Variants in DNAJB4 observed in about 807,000 individuals in gnomAD.
DNAJB4 encodes the protein dnaJ homolog subfamily B member 4.
A neutral mutation model predicts 26.6 loss-of-function variants in DNAJB4; 10 were observed. The ratio of observed to expected loss-of-function variants is 0.38; its 90% CI spans 0.23 to 0.64. The LOEUF is 0.64. Ranked by LOEUF, DNAJB4 falls within the 30% of genes least tolerant of loss-of-function variation. DNAJB4 has a pLI of 0.58. For missense variants in DNAJB4, 328 were observed against 408.2 expected (o/e 0.80, Z 1.69); for synonymous variants, 136 against 134.8 (o/e 1.01, Z -0.06).
chr1:78,009,758 T>G (rs2102610182), intron 1 of DNAJB4, among the ~76,000 whole-genome samples: 1 of 152,330 alleles, frequency 6.6e-6, no homozygotes, highest in South Asian at 2.1e-4. Context: ...CCTGAGTAGC[T>G]GGGATTACAG....
intron 1 of DNAJB4, 60 bp downstream of exon 1, chr1:78,005,381 T>TC: frequency 7.2e-7 from 1 of 1,396,170 alleles, no homozygotes; most frequent in Non-Finnish European, 9.6e-7. Context: ...TTTTTTTCTC[T>TC]CTCTCTGCCA....
At position 78,005,192 on chromosome 1, in the gene DNAJB4, GC is replaced by G. The variant is rs771664003; in HGVS notation, c.85del (p.Leu29SerfsTer27). 1.1e-5 allele frequency: 18 copies of G among 1,614,086 alleles called. No homozygotes were observed. The highest frequency in any genetic ancestry group is 1.5e-5 in the Non-Finnish European group (18 of 1,179,984). On this transcript the variant is annotated frameshift_variant, in exon 1 of 3. Transcript: ENST00000370763. LOFTEE classifies it high-confidence loss of function. ...TATTAAAAAGGCTTACCGAAAACAA[GC>G]CCTCAAATTTCATCCGGACAAGAAC... ...EDIKKAYRKQ[A>X]LKFHPDKNKS...
At chr1:77,993,115 GCT>G (rs1659976091) in intron 1 of DNAJB4, among the ~76,000 whole-genome samples, 2 of 152,084 alleles carry the variant, frequency 1.3e-5, no homozygotes, top group Admixed American at 6.5e-5. Context: ...TTTAGACTTT[GCT>G]CTCCCTCCAG....
intron 1 of DNAJB4, among the ~76,000 whole-genome samples, chr1:78,006,831 G>A (rs1660340585): frequency 6.6e-6 from 1 of 152,184 alleles, no homozygotes; most frequent in Non-Finnish European, 1.5e-5. Flanking sequence ...TTCTAAAGGA[G>A]TAATTTTGTA....
intron 1 of DNAJB4, among the ~76,000 whole-genome samples, chr1:77,985,229 A>G (rs1452890310): frequency 1.3e-5 from 2 of 152,200 alleles, no homozygotes; most frequent in African/African-American, 2.4e-5. Context: ...TGGGTACAAG[A>G]TAGAAAACTC....
At chr1:77,989,281 C>A (rs761195983) in intron 1 of DNAJB4, among the ~76,000 whole-genome samples, 20 of 152,192 alleles carry the variant, frequency 1.3e-4, no homozygotes, top group Non-Finnish European at 2.4e-4. Flanking sequence ...TTTGAGATGT[C>A]ATTTAAGCAA....
At chr1:78,008,368 C>A (rs1295444323) in intron 1 of DNAJB4, among the ~76,000 whole-genome samples, 1 of 152,116 alleles carries the variant, frequency 6.6e-6, no homozygotes, top group East Asian at 1.9e-4. Flanking sequence ...GTGAATTAAA[C>A]AAAATGTGCT....
intron 1 of DNAJB4, among the ~76,000 whole-genome samples, chr1:77,988,175 C>T (rs1445460956): frequency 6.6e-6 from 1 of 151,754 alleles, no homozygotes; most frequent in Non-Finnish European, 1.5e-5. Flanking sequence ...GCATGTGCCA[C>T]CATATCTGGC....
intron 2 of DNAJB4, among the ~76,000 whole-genome samples, chr1:78,015,391 C>T (rs1445188982): frequency 6.6e-6 from 1 of 151,618 alleles, no homozygotes; most frequent in Non-Finnish European, 1.5e-5. Context: ...ATAACCATGT[C>T]ATTCCAGGGC....
intron 1 of DNAJB4, among the ~76,000 whole-genome samples, chr1:77,989,336 T>C (rs1455978275): frequency 6.6e-6 from 1 of 152,222 alleles, no homozygotes; most frequent in African/African-American, 2.4e-5. Context: ...AATATCCTCC[T>C]CTATATTGTT....
intron 1 of DNAJB4, among the ~76,000 whole-genome samples, chr1:78,012,406 C>T (rs1258014773): frequency 3.3e-5 from 5 of 151,420 alleles, no homozygotes; most frequent in Non-Finnish European, 7.4e-5. Context: ...TCATGATCTG[C>T]TTGCCTCGGC....
chr1:77,998,580 C>G (rs1557505574), intron 1 of DNAJB4, among the ~76,000 whole-genome samples: 1 of 152,158 alleles, frequency 6.6e-6, no homozygotes, highest in African/African-American at 2.4e-5. Flanking sequence ...TGGCTCAGAC[C>G]TGTAATCTCA....
intron 1 of DNAJB4, among the ~76,000 whole-genome samples, chr1:77,999,477 A>G (rs1163533623): frequency 1.3e-5 from 2 of 151,898 alleles, no homozygotes; most frequent in Non-Finnish European, 2.9e-5. Flanking sequence ...TCAGAGATAA[A>G]GGTCTGAAAA....
intron 1 of DNAJB4, among the ~76,000 whole-genome samples, chr1:77,987,452 T>TG (rs1203371035): frequency 6.6e-6 from 1 of 152,078 alleles, no homozygotes; most frequent in East Asian, 1.9e-4. Context: ...TTTGTAGAGA[T>TG]GGGGGTCTCG....
intron 1 of DNAJB4, among the ~76,000 whole-genome samples, chr1:77,999,137 G>C: frequency 6.6e-6 from 1 of 152,172 alleles, no homozygotes; most frequent in East Asian, 1.9e-4. Flanking sequence ...GATATAGTCC[G>C]TTATTAAATG....
chr1:78,015,889 A>G (rs1224814863), intron 2 of DNAJB4, 125 bp from the exon 3 acceptor site: 7 of 841,744 alleles, frequency 8.3e-6, no homozygotes, highest in Middle Eastern at 3.5e-4. Context: ...ATTTATAACT[A>G]TTGTTATTCT....
At chr1:77,986,331 G>A (rs1332254970) in intron 1 of DNAJB4, among the ~76,000 whole-genome samples, 1 of 152,056 alleles carries the variant, frequency 6.6e-6, no homozygotes, top group Non-Finnish European at 1.5e-5. Context: ...ACTACTTATG[G>A]CCACAGCCTG....
At chr1:77,983,074 G>C (rs568534981) in intron 1 of DNAJB4, among the ~76,000 whole-genome samples, 1 of 152,232 alleles carries the variant, frequency 6.6e-6, no homozygotes, top group Non-Finnish European at 1.5e-5. Context: ...GTTTCTCGAA[G>C]AGGGGGATGT....
At chr1:77,998,741 G>A (rs927255575) in intron 1 of DNAJB4, among the ~76,000 whole-genome samples, 2 of 152,058 alleles carry the variant, frequency 1.3e-5, no homozygotes, top group Non-Finnish European at 2.9e-5. Context: ...TGGGGGCTGA[G>A]GTGGGAAAAT....
Sources: allele counts gnomAD v4.1 joint callset (sites outside exome capture counted in the v4.1 genomes callset), GRCh38; gene constraint gnomAD v4.1.1; transcripts MANE v1.5; gene names NCBI Gene and HGNC (gene_info 2026-07-23, HGNC 2026-07-21).